Variants in MON2 observed in about 807,000 individuals in gnomAD.
MON2 encodes MON2 regulator of endosome-to-Golgi trafficking, also known as protein MON2 homolog.
A neutral mutation model predicts 208.6 loss-of-function variants in MON2; 84 were observed. The observed-to-expected ratio is 0.40, with a 90% CI of 0.34 to 0.48. The LOEUF (loss-of-function observed/expected upper bound fraction) is 0.48, where lower values mean the gene tolerates loss of function less well. MON2 is among the 20% of genes least tolerant of loss of function. The pLI, the probability that MON2 is intolerant of heterozygous loss-of-function variation, is 0.59. For synonymous variants in MON2, 660 were observed against 694.0 expected, an observed-to-expected ratio of 0.95 and a Z score of 0.77; for missense variants, 1,611 against 2,015.4, an observed-to-expected ratio of 0.80 and a Z score of 3.84.
rs1360499440 is a variant in MON2 at position 62,597,174 on chromosome 12, T to G, written c.*4425T>G. On this transcript the variant is annotated 3_prime_UTR_variant, in exon 35 of 35. Transcript: ENST00000393630. Reference sequence around the variant, plus strand: ...TTATTACTATATTGTAAGAGAGATCTTTGACCATTTTTCTTCCTTTTTCTT... The same window carrying G: ...TTATTACTATATTGTAAGAGAGATCGTTGACCATTTTTCTTCCTTTTTCTT... The G allele has an allele frequency of 6.6e-6, 1 of 152,220 alleles. No individual in the cohort carries two copies. The highest frequency in any genetic ancestry group is 2.4e-5 in the African/African-American group (1 of 41,456). The allele number at this position is 152,220 out of a possible 1,614,324, so 9.4% of individuals were successfully genotyped here. A position where few individuals can be genotyped will look rare whatever the true frequency, so the allele number is the denominator to read the frequency against.
At chr12:62,541,460 TAAC>T (rs1215519260) in intron 19 of MON2, among the ~76,000 whole-genome samples, 1 of 152,022 alleles carries the variant, frequency 6.6e-6, no homozygotes, top group African/African-American at 2.4e-5. Context: ...AAGCACAGTA[TAAC>T]AACAACAAAA....
intron 1 of MON2, among the ~76,000 whole-genome samples, chr12:62,472,987 A>T (rs1592796884): frequency 6.6e-6 from 1 of 152,182 alleles, no homozygotes; most frequent in East Asian, 1.9e-4. Context: ...ATATTTCAAA[A>T]TTTGATTTAT....
chr12:62,592,519 G>A, intron 34 of MON2, 67 bp from the exon 35 acceptor site: 1 of 1,304,946 alleles, frequency 7.7e-7, no homozygotes, highest in Non-Finnish European at 1.1e-6. Context: ...AAAGGATTGT[G>A]TTCATGTTAA....
chr12:62,569,018 C>T (rs1229295672), intron 29 of MON2, among the ~76,000 whole-genome samples: 2 of 152,178 alleles, frequency 1.3e-5, no homozygotes, highest in Admixed American at 1.3e-4. Context: ...ATTGATGCCA[C>T]TTACCACATT....
intron 19 of MON2, among the ~76,000 whole-genome samples, chr12:62,539,556 C>T (rs928215335): frequency 1.2e-4 from 19 of 152,056 alleles, no homozygotes; most frequent in African/African-American, 1.7e-4. Flanking sequence ...CATGAGCCAC[C>T]GCGCCCGGCC....
At chr12:62,473,771 A>T (rs1050286131) in intron 1 of MON2, among the ~76,000 whole-genome samples, 31 of 151,982 alleles carry the variant, frequency 2.0e-4, no homozygotes, top group African/African-American at 7.5e-4. Flanking sequence ...GGGTTTTGCC[A>T]TGTTGCCTGG....
At chr12:62,523,584 T>C (rs1232068222) in intron 8 of MON2, among the ~76,000 whole-genome samples, 2 of 152,198 alleles carry the variant, frequency 1.3e-5, no homozygotes, top group Non-Finnish European at 2.9e-5. Flanking sequence ...TTAAAGATAC[T>C]GAAAGGCATT....
chr12:62,502,152 A>C (rs1358552182), intron 7 of MON2, among the ~76,000 whole-genome samples: 1 of 152,116 alleles, frequency 6.6e-6, no homozygotes, highest in East Asian at 1.9e-4. Flanking sequence ...CCTGGGAGGC[A>C]GAGGTTGCGG....
intron 2 of MON2, among the ~76,000 whole-genome samples, chr12:62,493,259 C>T (rs1247043991): frequency 6.6e-6 from 1 of 152,066 alleles, no homozygotes; most frequent in Non-Finnish European, 1.5e-5. Context: ...ATTTTCTAAC[C>T]TCTTACATTT....
chr12:62,485,806 C>T (rs774305200), intron 2 of MON2, among the ~76,000 whole-genome samples: 6 of 152,168 alleles, frequency 3.9e-5, no homozygotes, highest in African/African-American at 1.2e-4. Context: ...TGGGTTCAAG[C>T]GATTCTCCTG....
chr12:62,470,701 G>A (rs2068751956), intron 1 of MON2: 1 of 1,147,952 alleles, frequency 8.7e-7, no homozygotes, highest in Non-Finnish European at 1.1e-6. Context: ...CTATTTGCAG[G>A]TACAGATGAG....
At chr12:62,496,959 A>G (rs2070528744) in intron 4 of MON2, among the ~76,000 whole-genome samples, 2 of 145,476 alleles carry the variant, frequency 1.4e-5, no homozygotes, top group African/African-American at 5.1e-5. Context: ...CATATACACC[A>G]TGGAATACTA....
chr12:62,477,275 A>G (rs1028958628), intron 1 of MON2, among the ~76,000 whole-genome samples: 2 of 152,112 alleles, frequency 1.3e-5, no homozygotes, highest in African/African-American at 4.8e-5. Context: ...GTAAATCTAT[A>G]CATAGTTTTG....
chr12:62,594,976 C>G lies in MON2; in HGVS notation c.*2227C>G, dbSNP rs1359427733. The G allele has an allele frequency of 1.3e-5, 2 of 152,088 alleles. No homozygotes were observed. The highest frequency in any genetic ancestry group is 4.8e-5 in the African/African-American group (2 of 41,384). The allele number at this position is 152,088 out of a possible 1,614,324, so 9.4% of individuals were successfully genotyped here. On this transcript the variant is annotated 3_prime_UTR_variant, in exon 35 of 35. Transcript: ENST00000393630. ...TTGTCTTGTTAGTATGAATTGGGTT[C>G]TCCAGTGACTAGAAGAACTGGGGTG...
At chr12:62,495,560 G>A (rs962666813) in intron 4 of MON2, among the ~76,000 whole-genome samples, 1 of 151,780 alleles carries the variant, frequency 6.6e-6, no homozygotes, top group African/African-American at 2.4e-5. Context: ...TGTAGTGGCG[G>A]GCGCCTGTAG....
chr12:62,568,751 CA>C (rs1284826597), intron 29 of MON2, among the ~76,000 whole-genome samples: 4 of 152,216 alleles, frequency 2.6e-5, no homozygotes, highest in African/African-American at 9.6e-5. Context: ...CTCCCGGGTT[CA>C]AGCAGTTCTC....
At chr12:62,540,234 G>T (rs1194437213) in intron 19 of MON2, among the ~76,000 whole-genome samples, 3 of 151,922 alleles carry the variant, frequency 2.0e-5, no homozygotes. Flanking sequence ...GAAATAAGAG[G>T]TTTCTACTTT....
intron 19 of MON2, among the ~76,000 whole-genome samples, chr12:62,542,633 G>C (rs575246839): frequency 6.6e-6 from 1 of 152,050 alleles, no homozygotes; most frequent in Admixed American, 6.6e-5. Flanking sequence ...TTTTGTCTTC[G>C]TGTCCTCTGC....
intron 24 of MON2, among the ~76,000 whole-genome samples, chr12:62,554,633 T>C (rs1417035248): frequency 6.6e-6 from 1 of 152,124 alleles, no homozygotes; most frequent in African/African-American, 2.4e-5. Context: ...TAGCTAGGAC[T>C]GTAGGCTCAC....
Sources: gnomAD v4.1 joint callset for allele counts (sites outside exome capture counted in the v4.1 genomes callset) on GRCh38, gnomAD v4.1.1 for gene constraint, MANE v1.5 for transcripts, NCBI Gene and HGNC (gene_info 2026-07-23, HGNC 2026-07-21) for gene names.